Variants in NHERF1 observed in about 807,000 individuals in gnomAD.
The protein encoded by NHERF1 is Na(+)/H(+) exchange regulatory cofactor NHE-RF1.
At chr17:74,762,560 G>GTT in the NHERF1 span, among the ~76,000 whole-genome samples, 65,135 of 147,046 alleles carry the variant, frequency 0.44, 14,769 homozygotes, top group Non-Finnish European at 0.51. This position sits in a 1 kb window ranked among gnomAD's most constrained non-coding sequence, Gnocchi z 4.2. Context: ...TATTTATTTA[G>GTT]TTTTTTTTTT....
At chr17:74,749,180 C>A in the NHERF1 span, 3 of 1,531,140 alleles carry the variant, frequency 2.0e-6, no homozygotes, top group Middle Eastern at 1.8e-4. The surrounding 1 kb of genome is among the most constrained non-coding windows in gnomAD (Gnocchi z 5.6). Context: ...GGAGCTGCTG[C>A]GCGCCCAGGA....
the NHERF1 span, among the ~76,000 whole-genome samples, chr17:74,766,151 T>C: frequency 6.6e-6 from 1 of 152,148 alleles, no homozygotes; most frequent in African/African-American, 2.4e-5. Flanking sequence ...AAGATCAATT[T>C]AGTAGATAGA....
the NHERF1 span, among the ~76,000 whole-genome samples, chr17:74,760,320 C>T: frequency 6.6e-6 from 1 of 152,310 alleles, no homozygotes; most frequent in East Asian, 1.9e-4. The surrounding 1 kb of genome is among the most constrained non-coding windows in gnomAD (Gnocchi z 4.5). Flanking sequence ...AGAGGAGCTT[C>T]ATTCAGGGTT....
At chr17:74,748,656 G>T in the NHERF1 span, 1 of 578,086 alleles carries the variant, frequency 1.7e-6, no homozygotes, top group Non-Finnish European at 3.0e-6. The surrounding 1 kb of genome is among the most constrained non-coding windows in gnomAD (Gnocchi z 4.3). Context: ...GGATTGGTCT[G>T]TGGTCCTCTC....
chr17:74,768,257 G>A, the NHERF1 span: 9 of 1,575,542 alleles, frequency 5.7e-6, no homozygotes, highest in African/African-American at 9.4e-5. Flanking sequence ...CATGCGGGGG[G>A]TGGCAACTGG....
the NHERF1 span, among the ~76,000 whole-genome samples, chr17:74,753,646 C>T: frequency 4.6e-5 from 7 of 150,756 alleles, no homozygotes; most frequent in South Asian, 2.1e-4. Context: ...CCCATCACTT[C>T]GGGAGGCTGA....
chr17:74,763,542 G>C, the NHERF1 span: 1 of 1,567,190 alleles, frequency 6.4e-7, no homozygotes, highest in Non-Finnish European at 8.7e-7. Context: ...GGGGCCACTG[G>C]CCGTCCTGGG....
the NHERF1 span, among the ~76,000 whole-genome samples, chr17:74,750,989 G>A: frequency 6.6e-6 from 1 of 152,302 alleles, no homozygotes; most frequent in African/African-American, 2.4e-5. Context: ...TAGGCCAGGA[G>A]ATGAGAGGAG....
the NHERF1 span, among the ~76,000 whole-genome samples, chr17:74,763,922 A>G: frequency 6.6e-6 from 1 of 152,214 alleles, no homozygotes; most frequent in Non-Finnish European, 1.5e-5. Context: ...GTCAGATCAG[A>G]GTCCAGTGAC....
At chr17:74,758,150 C>T in the NHERF1 span, among the ~76,000 whole-genome samples, 118 of 152,350 alleles carry the variant, frequency 7.7e-4, no homozygotes, top group Non-Finnish European at 1.2e-3. The surrounding 1 kb of genome is among the most constrained non-coding windows in gnomAD (Gnocchi z 4.3). Context: ...TCCCCAGAGA[C>T]GGTCACTGGG....
chr17:74,757,895 C>T, the NHERF1 span, among the ~76,000 whole-genome samples: 2 of 152,182 alleles, frequency 1.3e-5, no homozygotes, highest in Non-Finnish European at 2.9e-5. Flanking sequence ...GAGGGGCAGT[C>T]TTGAGAGGTG....
chr17:74,766,890 A>G, the NHERF1 span: 2 of 1,602,934 alleles, frequency 1.2e-6, no homozygotes, highest in East Asian at 4.5e-5. Context: ...TCCACGCTCT[A>G]TTCCATCCCC....
At chr17:74,754,626 C>T in the NHERF1 span, among the ~76,000 whole-genome samples, 3 of 151,952 alleles carry the variant, frequency 2.0e-5, no homozygotes, top group Non-Finnish European at 4.4e-5. Flanking sequence ...TGGGTGGCAC[C>T]TGTCACAACA....
the NHERF1 span, chr17:74,768,368 C>G: frequency 1.9e-5 from 28 of 1,467,296 alleles, no homozygotes; most frequent in Non-Finnish European, 2.7e-5. Context: ...ACCTGGCTTC[C>G]CTGGGCACGG....
At chr17:74,761,406 G>A in the NHERF1 span, among the ~76,000 whole-genome samples, 1 of 152,230 alleles carries the variant, frequency 6.6e-6, no homozygotes, top group Non-Finnish European at 1.5e-5. The surrounding 1 kb of genome is among the most constrained non-coding windows in gnomAD (Gnocchi z 4.3). Context: ...TTGGTTATCT[G>A]CTCCTTCTGG....
At chr17:74,762,176 G>C in the NHERF1 span, 1 of 1,613,898 alleles carries the variant, frequency 6.2e-7, no homozygotes, top group Non-Finnish European at 8.5e-7. This position sits in a 1 kb window ranked among gnomAD's most constrained non-coding sequence, Gnocchi z 4.2. Flanking sequence ...TTGTGGAGGT[G>C]ATGCTTCTCG....
chr17:74,760,485 C>T, the NHERF1 span, among the ~76,000 whole-genome samples: 12 of 152,180 alleles, frequency 7.9e-5, no homozygotes, highest in Non-Finnish European at 1.6e-4. This position sits in a 1 kb window ranked among gnomAD's most constrained non-coding sequence, Gnocchi z 4.5. Flanking sequence ...CCTCTAGCCA[C>T]CCCCAGAGAT....
the NHERF1 span, chr17:74,768,992 TCCC>T: frequency 4.0e-5 from 15 of 379,736 alleles, no homozygotes; most frequent in East Asian, 7.8e-4. Context: ...CCTCCCTTCC[TCCC>T]CCATGTGATA....
At chr17:74,767,483 C>G in the NHERF1 span, among the ~76,000 whole-genome samples, 151 of 152,328 alleles carry the variant, frequency 9.9e-4, 3 homozygotes, top group East Asian at 0.024. Flanking sequence ...CAGCCAAAGC[C>G]TTCGCTCTGG....
Sources: gnomAD v4.1 joint callset for allele counts (sites outside exome capture counted in the v4.1 genomes callset) on GRCh38, gnomAD v4.1.1 for gene constraint, Gnocchi (gnomAD v3.1) non-coding constraint, MANE v1.5 for transcripts, NCBI Gene and HGNC (gene_info 2026-07-23, HGNC 2026-07-21) for gene names.